Variants in LIMS1 observed in about 807,000 individuals in gnomAD.
LIMS1 encodes LIM zinc finger domain containing 1.
LIMS1 carries 18 observed loss-of-function variants against 44.1 expected under a neutral mutation model. That is an observed-to-expected ratio of 0.41 (90% CI 0.28 to 0.61). LIMS1 has a LOEUF of 0.61. LIMS1 is among the 20% of genes least tolerant of loss of function. The pLI is 0.32. For missense variants in LIMS1, 201 were observed against 422.0 expected (o/e 0.48, Z 4.59); for synonymous variants, 93 against 149.1 (o/e 0.62, Z 2.74).
intron 1 of LIMS1, among the ~76,000 whole-genome samples, chr2:108,580,945 A>G (rs1266699080): frequency 6.6e-6 from 1 of 152,210 alleles, no homozygotes; most frequent in Non-Finnish European, 1.5e-5. Flanking sequence ...CAGCTCTGCC[A>G]TCAGGGCCCT....
intron 1 of LIMS1, among the ~76,000 whole-genome samples, chr2:108,557,676 C>T (rs534796082): frequency 2.6e-5 from 4 of 152,128 alleles, no homozygotes; most frequent in African/African-American, 7.2e-5. Flanking sequence ...GCCACCACGC[C>T]CAGCTAATTT....
chr2:108,634,680 T>G (rs1689114590), intron 1 of LIMS1, among the ~76,000 whole-genome samples: 1 of 152,236 alleles, frequency 6.6e-6, no homozygotes, highest in Non-Finnish European at 1.5e-5. Context: ...GAGGGACTAT[T>G]TAGAAAACAG....
intron 1 of LIMS1, among the ~76,000 whole-genome samples, chr2:108,612,316 C>T (rs994738190): frequency 3.3e-5 from 5 of 152,006 alleles, no homozygotes; most frequent in African/African-American, 7.3e-5. Context: ...TCAGAGGAAC[C>T]GAAATCGGTG....
chr2:108,569,764 C>CCTTTCTTTTTT, intron 1 of LIMS1, among the ~76,000 whole-genome samples: 1 of 113,102 alleles, frequency 8.8e-6, no homozygotes, highest in Non-Finnish European at 1.7e-5. Context: ...CCATATCTGG[C>CCTTTCTTTTTT]TTTTTTTTTT....
intron 1 of LIMS1, among the ~76,000 whole-genome samples, chr2:108,617,611 C>T (rs190771163): frequency 1.3e-5 from 2 of 152,284 alleles, no homozygotes; most frequent in African/African-American, 2.4e-5. Context: ...GTTTAACAAA[C>T]GTGACTGTCT....
chr2:108,585,743 A>G (rs1315584643), intron 1 of LIMS1, among the ~76,000 whole-genome samples: 1 of 152,192 alleles, frequency 6.6e-6, no homozygotes, highest in African/African-American at 2.4e-5. Flanking sequence ...CCAAGGGAAT[A>G]GAAAATTCCC....
intron 1 of LIMS1, chr2:108,659,152 A>G (rs1276665740): frequency 1.0e-6 from 1 of 979,714 alleles, no homozygotes; most frequent in African/African-American, 1.8e-5. Flanking sequence ...TGTCTAGGTT[A>G]TATGACATGG....
At position 108,561,755 on chromosome 2, in the gene LIMS1, T is replaced by G. The variant is rs538164882; in HGVS notation, c.32+27161T>G. 2.4e-4 allele frequency among the ~76,000 whole-genome samples: 36 copies of G among 151,220 alleles called. 1 individual carries two copies. The South Asian group carries it at 4.6e-3, about 19-fold the overall frequency. On this transcript the variant is annotated intron_variant, in intron 1 of 9. Coordinates refer to ENST00000544547, the Ensembl canonical transcript of LIMS1. ...AGCAGTGTTTTTTTTTGTTTTTTTT[T>G]TTTTTGAGGCGGAGTCTCACTCTGT... is the stretch of plus-strand genomic sequence containing the variant.
At chr2:108,560,990 C>A (rs372531198) in intron 1 of LIMS1, among the ~76,000 whole-genome samples, 8 of 152,100 alleles carry the variant, frequency 5.3e-5, no homozygotes. Context: ...ATTCTGTTAC[C>A]AATGGGTCAG....
At chr2:108,566,811 G>A (rs574070295) in intron 1 of LIMS1, among the ~76,000 whole-genome samples, 1 of 152,210 alleles carries the variant, frequency 6.6e-6, no homozygotes, top group African/African-American at 2.4e-5. Context: ...TGGCCAGGCT[G>A]GTCTCAAACT....
At chr2:108,659,024 A>G (rs1691134744) in intron 1 of LIMS1, 1 of 152,488 alleles carries the variant, frequency 6.6e-6, no homozygotes, top group Admixed American at 6.5e-5. Flanking sequence ...GATACATTTT[A>G]TAATATTGGT....
Position 108,678,292 on chromosome 2 carries a change from C to T in LIMS1, c.823+265C>T, listed in dbSNP as rs1692711090. On this transcript the variant is annotated intron_variant, in intron 8 of 9. Coordinates refer to ENST00000544547, the Ensembl canonical transcript of LIMS1. ...ATCATGGGAACTGTCCCTGGTGGAC[C>T]CTAAGACCTGTTTGTGTCCAGTTTC... 3 of 578,242 alleles carry T rather than the reference C, an allele frequency of 5.2e-6. No individual in the cohort carries two copies. The Admixed American group carries it at 1.1e-4, about 21-fold the overall frequency. The allele number at this position is 578,242 out of a possible 1,614,324, so 35.8% of individuals were successfully genotyped here.
chr2:108,655,005 G>A (rs1690754316), intron 1 of LIMS1: 1 of 1,607,134 alleles, frequency 6.2e-7, no homozygotes, highest in South Asian at 1.1e-5. Flanking sequence ...AGGGAGGCCT[G>A]GATATTGTTT....
intron 1 of LIMS1, among the ~76,000 whole-genome samples, chr2:108,652,464 C>T (rs1690564291): frequency 6.6e-6 from 1 of 152,254 alleles, no homozygotes; most frequent in South Asian, 2.1e-4. Context: ...CATTTGGTAA[C>T]ATTCTTTAAA....
intron 2 of LIMS1, among the ~76,000 whole-genome samples, chr2:108,663,718 A>G (rs1691532132): frequency 2.0e-5 from 3 of 152,062 alleles, no homozygotes; most frequent in Admixed American, 1.3e-4. Context: ...CACAAAATGC[A>G]TTAACAGTAA....
intron 1 of LIMS1, among the ~76,000 whole-genome samples, chr2:108,590,099 A>G (rs1686305895): frequency 6.6e-6 from 1 of 152,236 alleles, no homozygotes; most frequent in Non-Finnish European, 1.5e-5. Flanking sequence ...TTGCTTTACT[A>G]CATGACTTGC....
intron 2 of LIMS1, among the ~76,000 whole-genome samples, chr2:108,664,857 T>A (rs1691638388): frequency 6.6e-6 from 1 of 152,170 alleles, no homozygotes; most frequent in South Asian, 2.1e-4. Context: ...AATCTATTTC[T>A]AAGTCCTCCT....
chr2:108,596,461 A>C (rs1194344950), intron 1 of LIMS1, among the ~76,000 whole-genome samples: 1 of 152,280 alleles, frequency 6.6e-6, no homozygotes, highest in East Asian at 1.9e-4. Context: ...ATGTAAAATG[A>C]TTTACAGAAC....
At chr2:108,592,584 G>A (rs1186726280) in intron 1 of LIMS1, among the ~76,000 whole-genome samples, 1 of 152,144 alleles carries the variant, frequency 6.6e-6, no homozygotes, top group East Asian at 1.9e-4. Flanking sequence ...AGTTCTTCGG[G>A]TTCAGCTGTT....
Sources: allele counts gnomAD v4.1 joint callset (sites outside exome capture counted in the v4.1 genomes callset), GRCh38; gene constraint gnomAD v4.1.1; transcripts MANE v1.5; gene names NCBI Gene and HGNC (gene_info 2026-07-23, HGNC 2026-07-21).